The following HDAC9 variants were observed in gnomAD, a reference collection of about 807,000 sequenced individuals.
The protein encoded by HDAC9 is MEF-2 interacting transcription repressor (MITR) protein.
In HDAC9, 41 loss-of-function variants were observed where a neutral mutation model predicts 139.4. The observed-to-expected ratio is 0.29, with a 90% CI of 0.23 to 0.38. The LOEUF is 0.38. Among genes scored for constraint, HDAC9 ranks in the 10% least tolerant of loss-of-function variants. The pLI, the probability that HDAC9 is intolerant of heterozygous loss-of-function variation, is 1.00. For synonymous variants in HDAC9, 517 were observed against 476.2 expected (o/e 1.09, Z -1.12); for missense variants, 1,147 against 1,297.0 (o/e 0.88, Z 1.78).
At chr7:18,346,662 A>T (rs762594188) in intron 1 of HDAC9, among the ~76,000 whole-genome samples, 31 of 152,136 alleles carry the variant, frequency 2.0e-4, no homozygotes, top group Non-Finnish European at 2.1e-4. Flanking sequence ...TCTCCTTCCC[A>T]TCTGAAAATA....
At chr7:18,195,315 T>A (rs1263851520) in intron 2 of HDAC9, among the ~76,000 whole-genome samples, 4 of 152,270 alleles carry the variant, frequency 2.6e-5, no homozygotes, top group East Asian at 3.9e-4. Context: ...ATTTAAAAAA[T>A]GTATTGGGTT....
At chr7:18,264,147 G>A (rs532151849) in intron 2 of HDAC9, among the ~76,000 whole-genome samples, 1 of 152,206 alleles carries the variant, frequency 6.6e-6, no homozygotes, top group East Asian at 1.9e-4. Context: ...ACATCCACAA[G>A]GAAATAGAAG....
intron 1 of HDAC9, among the ~76,000 whole-genome samples, chr7:18,332,493 T>C (rs1478130491): frequency 6.6e-6 from 1 of 151,396 alleles, no homozygotes. Context: ...CCAAATAAAT[T>C]AAAAATACTT....
At chr7:18,174,099 T>G (rs945350171) in intron 2 of HDAC9, among the ~76,000 whole-genome samples, 3 of 152,254 alleles carry the variant, frequency 2.0e-5, no homozygotes, top group African/African-American at 7.2e-5. Context: ...AGATGTAGAT[T>G]TGGTCTTTTC....
chr7:18,512,057 A>G (rs1200394449), intron 2 of HDAC9, among the ~76,000 whole-genome samples: 1 of 152,136 alleles, frequency 6.6e-6, no homozygotes, highest in Non-Finnish European at 1.5e-5. Flanking sequence ...AGATGTAGAA[A>G]AACATGCAAT....
chr7:18,410,032 G>T (rs984739254), intron 1 of HDAC9, among the ~76,000 whole-genome samples: 4 of 151,576 alleles, frequency 2.6e-5, no homozygotes, highest in African/African-American at 9.7e-5. Flanking sequence ...TTTTTTTGGA[G>T]AATTTCTGTC....
intron 2 of HDAC9, among the ~76,000 whole-genome samples, chr7:18,532,305 C>G (rs761297816): frequency 9.9e-5 from 15 of 152,012 alleles, no homozygotes; most frequent in Admixed American, 5.9e-4. Flanking sequence ...TAAAATACTT[C>G]CATACTAAGG....
chr7:18,646,677 T>G (rs773668602), intron 9 of HDAC9, among the ~76,000 whole-genome samples: 4 of 152,126 alleles, frequency 2.6e-5, no homozygotes, highest in Non-Finnish European at 4.4e-5. Context: ...GCACAGCAAT[T>G]TTGAAAGATG....
At chr7:18,398,296 T>C (rs1249682775) in intron 1 of HDAC9, among the ~76,000 whole-genome samples, 1 of 152,226 alleles carries the variant, frequency 6.6e-6, no homozygotes, top group East Asian at 1.9e-4. Flanking sequence ...AGTTTTTCAA[T>C]TGATTCCATA....
intron 1 of HDAC9, among the ~76,000 whole-genome samples, chr7:18,359,713 A>G (rs1206124109): frequency 2.0e-5 from 3 of 151,974 alleles, no homozygotes; most frequent in African/African-American, 4.8e-5. Context: ...AGTTCAAGCA[A>G]TTCTCCTGCC....
At chr7:18,683,294 A>T (rs1165928289) in intron 12 of HDAC9, among the ~76,000 whole-genome samples, 2 of 151,918 alleles carry the variant, frequency 1.3e-5, no homozygotes, top group Admixed American at 1.3e-4. Context: ...TGAAAAAAAT[A>T]AAAAATACAG....
At chr7:18,925,639 A>G (rs937423920) in intron 22 of HDAC9, among the ~76,000 whole-genome samples, 13 of 147,010 alleles carry the variant, frequency 8.8e-5, no homozygotes, top group African/African-American at 3.2e-4. Flanking sequence ...TTTTAGTTAA[A>G]TACATCTTTT....
At chr7:18,250,038 A>G (rs967415849) in intron 2 of HDAC9, among the ~76,000 whole-genome samples, 1 of 152,222 alleles carries the variant, frequency 6.6e-6, no homozygotes, top group African/African-American at 2.4e-5. Flanking sequence ...AATTGGATTA[A>G]AAAGCTCTGC....
chr7:18,539,211 A>G (rs1369520050), intron 2 of HDAC9, among the ~76,000 whole-genome samples: 1 of 152,130 alleles, frequency 6.6e-6, no homozygotes, highest in African/African-American at 2.4e-5. Flanking sequence ...ATGTGGCTCT[A>G]CTCTACTTAT....
chr7:18,559,589 G>A (rs1421184362), intron 2 of HDAC9, among the ~76,000 whole-genome samples: 1 of 151,986 alleles, frequency 6.6e-6, no homozygotes, highest in Non-Finnish European at 1.5e-5. Context: ...CCATCTCTTT[G>A]ACCGGTTTTA....
chr7:18,698,630 TC>T (rs1027214906), intron 12 of HDAC9, among the ~76,000 whole-genome samples: 4 of 152,316 alleles, frequency 2.6e-5, no homozygotes, highest in Admixed American at 2.6e-4. Context: ...CTTTCATTTT[TC>T]CCCTTGAAAC....
At chr7:18,909,983 T>C (rs898849634) in intron 22 of HDAC9, among the ~76,000 whole-genome samples, 27 of 151,912 alleles carry the variant, frequency 1.8e-4, no homozygotes, top group Non-Finnish European at 2.8e-4. Context: ...ATTTTAGGAT[T>C]TTTTTTATTT....
intron 23 of HDAC9, 113 bp from the exon 24 acceptor site, chr7:18,954,033 T>G (rs1782981030): frequency 1.4e-6 from 1 of 707,496 alleles, no homozygotes. Context: ...TGTTAACTAG[T>G]TCTCGGAGCA....
chr7:18,879,602 TA>T (rs1366257322), intron 22 of HDAC9, among the ~76,000 whole-genome samples: 2 of 152,132 alleles, frequency 1.3e-5, no homozygotes, highest in Admixed American at 1.3e-4. Flanking sequence ...GATAACTCGC[TA>T]GCCACATGCA....
Sources: gnomAD v4.1 joint callset for allele counts (sites outside exome capture counted in the v4.1 genomes callset) on GRCh38, gnomAD v4.1.1 for gene constraint, MANE v1.5 for transcripts, NCBI Gene and HGNC (gene_info 2026-07-23, HGNC 2026-07-21) for gene names.